The following SGCD variants were observed in gnomAD, a reference collection of about 807,000 sequenced individuals.
SGCD encodes delta-sarcoglycan.
In SGCD, 18 loss-of-function variants were observed where a neutral mutation model predicts 36.6. That is an observed-to-expected ratio of 0.49 (90% CI 0.34 to 0.73). The LOEUF (loss-of-function observed/expected upper bound fraction) is 0.73, where lower values mean the gene tolerates loss of function less well. Among genes scored for constraint, SGCD ranks in the 30% least tolerant of loss-of-function variants. The pLI, the probability that SGCD is intolerant of heterozygous loss-of-function variation, is 0.01. For missense variants in SGCD, 387 were observed against 346.7 expected, an observed-to-expected ratio of 1.12 and a Z score of -0.92; for synonymous variants, 133 against 130.6, an observed-to-expected ratio of 1.02 and a Z score of -0.12.
At chr5:155,933,034 G>T (rs1757126998) in intron 1 of SGCD, among the ~76,000 whole-genome samples, 1 of 152,212 alleles carries the variant, frequency 6.6e-6, no homozygotes, top group Non-Finnish European at 1.5e-5. Context: ...AACCAAGAGG[G>T]TTAGTATGTT....
chr5:156,634,782 CA>C (rs1337316675), intron 6 of SGCD, among the ~76,000 whole-genome samples: 1 of 152,090 alleles, frequency 6.6e-6, no homozygotes, highest in Non-Finnish European at 1.5e-5. Flanking sequence ...AACAACTAAA[CA>C]AACATCAAGG....
At chr5:155,859,503 T>G in the SGCD span, among the ~76,000 whole-genome samples, 1 of 152,328 alleles carries the variant, frequency 6.6e-6, no homozygotes, top group East Asian at 1.9e-4. Flanking sequence ...ATATTTCTGT[T>G]TCTTCAAAAT....
intron 7 of SGCD, among the ~76,000 whole-genome samples, chr5:156,718,875 G>C (rs1581457570): frequency 6.7e-6 from 1 of 150,204 alleles, no homozygotes; most frequent in African/African-American, 2.4e-5. Context: ...TCCCAGCTAC[G>C]TATTATATTA....
intron 3 of SGCD, among the ~76,000 whole-genome samples, chr5:156,238,762 G>C (rs964343529): frequency 6.6e-6 from 1 of 152,124 alleles, no homozygotes; most frequent in Admixed American, 6.5e-5. Context: ...ATGAAGGCTG[G>C]TGCTCAACTG....
intron 3 of SGCD, among the ~76,000 whole-genome samples, chr5:156,420,185 A>G (rs956827911): frequency 2.8e-4 from 43 of 152,258 alleles, no homozygotes; most frequent in African/African-American, 1.0e-3. Context: ...CCCTCTGTAA[A>G]TATTATCTAT....
intron 7 of SGCD, among the ~76,000 whole-genome samples, chr5:156,686,212 G>A (rs926577674): frequency 1.3e-5 from 2 of 152,118 alleles, no homozygotes; most frequent in Non-Finnish European, 2.9e-5. Context: ...GCCTAGAGGG[G>A]TTATAGAATT....
chr5:156,090,087 G>T (rs780809874), intron 1 of SGCD, among the ~76,000 whole-genome samples: 3 of 152,168 alleles, frequency 2.0e-5, no homozygotes, highest in African/African-American at 7.2e-5. Context: ...TGTTCGATTT[G>T]CTTTGGCTTT....
chr5:155,993,940 CAT>C (rs1330843162), intron 1 of SGCD, among the ~76,000 whole-genome samples: 1 of 152,150 alleles, frequency 6.6e-6, no homozygotes, highest in African/African-American at 2.4e-5. Flanking sequence ...GGGAAAGAGA[CAT>C]AGTTTCCACC....
chr5:155,869,242 T>G (rs1437568541), upstream of SGCD, among the ~76,000 whole-genome samples: 1 of 152,198 alleles, frequency 6.6e-6, no homozygotes, highest in East Asian at 1.9e-4. Flanking sequence ...CCCTGCTTGT[T>G]GTTTCTGGGC....
intron 1 of SGCD, among the ~76,000 whole-genome samples, chr5:156,056,034 G>C (rs1420934459): frequency 6.8e-6 from 1 of 146,456 alleles, no homozygotes; most frequent in Non-Finnish European, 1.5e-5. Flanking sequence ...GTGTGGACTA[G>C]ACTTATCAGT....
chr5:156,370,177 A>G (rs1770306561), intron 3 of SGCD, among the ~76,000 whole-genome samples: 1 of 152,170 alleles, frequency 6.6e-6, no homozygotes, highest in South Asian at 2.1e-4. Flanking sequence ...TATTACGCAC[A>G]GGCTCAGAAA....
At chr5:156,706,710 T>C (rs532811435) in intron 7 of SGCD, among the ~76,000 whole-genome samples, 3 of 152,268 alleles carry the variant, frequency 2.0e-5, no homozygotes, top group Admixed American at 2.0e-4. Flanking sequence ...TGCTCCTCCC[T>C]GCACTGGGAA....
rs188781381 is a variant in SGCD, at chr5:156,748,273, T to C, written c.576-9308T>C. Among the ~76,000 whole-genome samples, 236 of 152,314 alleles carry C rather than the reference T, an allele frequency of 1.5e-3. 1 individual carries two copies. The highest frequency in any genetic ancestry group is 4.4e-3 in the African/African-American group (183 of 41,566). ...AACTTTCTGGGGTACTGGTGTTGGATGCGATGGTGATTACCTGAAACTATA... is the reference window on the plus strand; with the variant it reads ...AACTTTCTGGGGTACTGGTGTTGGACGCGATGGTGATTACCTGAAACTATA... On this transcript the variant is annotated intron_variant, in intron 7 of 8. Transcript: ENST00000337851.
At chr5:155,981,541 G>A (rs1433822473) in intron 1 of SGCD, among the ~76,000 whole-genome samples, 1 of 152,140 alleles carries the variant, frequency 6.6e-6, no homozygotes, top group African/African-American at 2.4e-5. Context: ...TAGAGGAAAC[G>A]TTGGGTGGCC....
At chr5:156,703,234 C>A (rs1199366815) in intron 7 of SGCD, among the ~76,000 whole-genome samples, 1 of 152,026 alleles carries the variant, frequency 6.6e-6, no homozygotes, top group African/African-American at 2.4e-5. Context: ...ATCTTAGATT[C>A]TTCACAGTTA....
intron 3 of SGCD, among the ~76,000 whole-genome samples, chr5:156,440,625 T>C (rs982139690): frequency 6.6e-6 from 1 of 152,178 alleles, no homozygotes; most frequent in African/African-American, 2.4e-5. Context: ...CCAACACTTA[T>C]TATTCATCTT....
chr5:156,005,696 C>G (rs112706478), intron 1 of SGCD, among the ~76,000 whole-genome samples: 37 of 152,280 alleles, frequency 2.4e-4, no homozygotes, highest in African/African-American at 8.9e-4. Context: ...ATGATCCGCC[C>G]GCCTTGGCCT....
intron 1 of SGCD, among the ~76,000 whole-genome samples, chr5:155,937,779 G>A (rs559469954): frequency 3.3e-5 from 5 of 152,340 alleles, no homozygotes; most frequent in Admixed American, 6.5e-5. Flanking sequence ...CGTGGACACT[G>A]TGCAATGTGT....
chr5:156,316,557 G>T (rs1317757003), intron 3 of SGCD, among the ~76,000 whole-genome samples: 1 of 151,936 alleles, frequency 6.6e-6, no homozygotes, highest in East Asian at 1.9e-4. Flanking sequence ...AAATTATATT[G>T]TAAAGATATT....
Sources: gnomAD v4.1 joint callset for allele counts (sites outside exome capture counted in the v4.1 genomes callset) on GRCh38, gnomAD v4.1.1 for gene constraint, MANE v1.5 for transcripts, NCBI Gene and HGNC (gene_info 2026-07-23, HGNC 2026-07-21) for gene names.